Variants in ACAT1 observed in about 807,000 individuals in gnomAD.
ACAT1 encodes the protein acetyl-CoA acetyltransferase 1.
ACAT1 carries 28 observed loss-of-function variants against 47.3 expected under a neutral mutation model. That is an observed-to-expected ratio of 0.59 (90% confidence interval 0.44 to 0.81). The LOEUF (loss-of-function observed/expected upper bound fraction) is 0.81. Among genes scored for constraint, ACAT1 ranks in the 30% least tolerant of loss-of-function variants. The pLI, the probability that ACAT1 is intolerant of heterozygous loss-of-function variation, is 0.00. For missense variants in ACAT1, 469 were observed against 524.3 expected (o/e 0.89, Z 1.03); for synonymous variants, 181 against 173.6 (o/e 1.04, Z -0.34).
In ACAT1 at chr11:108,140,134, A is replaced by G. The variant is rs751034911; in HGVS notation, c.649A>G (p.Asn217Asp). The G allele has an allele frequency of 6.5e-5, 105 of 1,614,054 alleles. No homozygotes were observed. The highest frequency in any genetic ancestry group is 8.6e-5 in the Non-Finnish European group (102 of 1,180,024). The change falls in exon 7 of 12, where the codon AAT becomes GAT. Residue 217 changes from asparagine (N) to aspartate (D), a missense_variant. Physicochemically the swap from Asn to Asp is conservative, Grantham distance 23. Transcript: ENST00000265838. ...AAATGAACAGGACGCTTATGCTATT[A>G]ATTCTTATACCAGAAGTAAAGCAGC... The part of the protein sequence containing the change: ...ARNEQDAYAI[N>D]SYTRSKAAWE...
chr11:108,131,227 G>A (rs770586580), intron 1 of ACAT1, among the ~76,000 whole-genome samples: 1 of 152,096 alleles, frequency 6.6e-6, no homozygotes, highest in Non-Finnish European at 1.5e-5. Flanking sequence ...GGGAGAAACA[G>A]CAAGTTTTAC....
rs201199156 is a variant in ACAT1 at position 108,134,200 on chromosome 11, C to CT, written c.239-8dup. The CT allele has an allele frequency of 0.028, 36,398 of 1,293,440 alleles. 35 individuals are homozygous for CT. Among genetic ancestry groups the CT allele is most frequent in the African/African-American group, 0.057 (3,671 of 64,752 alleles). The allele number at this position is 1,293,440 out of a possible 1,614,324, so 80.1% of individuals were successfully genotyped here. ...TAAATTGAATTAAATGCCTTTTTGA[C>CT]TTTTTTTTTTTTTAATAAAGGGATT... On this transcript the variant is annotated intron_variant, in intron 3 of 11. Coordinates refer to ENST00000265838, the MANE Select transcript of ACAT1 (RefSeq NM_000019.4).
chr11:108,146,566 G>A (rs537245811), intron 11 of ACAT1, among the ~76,000 whole-genome samples: 1 of 152,228 alleles, frequency 6.6e-6, no homozygotes, highest in African/African-American at 2.4e-5. Flanking sequence ...GTTTTATGCT[G>A]AAGAAGAAAA....
intron 7 of ACAT1, 123 bp downstream of exon 7, chr11:108,140,338 A>G: frequency 4.4e-6 from 5 of 1,137,198 alleles, no homozygotes; most frequent in Non-Finnish European, 6.5e-6. Flanking sequence ...TAAAAAGTGA[A>G]GAGTTGCCAG....
intron 5 of ACAT1, among the ~76,000 whole-genome samples, chr11:108,138,244 C>T (rs1290797539): frequency 1.3e-5 from 2 of 151,990 alleles, no homozygotes; most frequent in African/African-American, 4.8e-5. Context: ...TTTGGCCTCC[C>T]AGAGTGCTGG....
At position 108,147,531 on chromosome 11, in the gene ACAT1, T is replaced by A; in HGVS notation, c.*141T>A. 8.9e-7 allele frequency: 1 copy of A among 1,121,044 alleles called. No homozygotes were observed. Among genetic ancestry groups the A allele is most frequent in the Non-Finnish European group, 1.3e-6 (1 of 787,564 alleles). 69.4% of individuals were successfully genotyped at this position (1,121,044 alleles called of 1,614,324 possible). The stretch of plus-strand genomic sequence containing the variant: ...CTATGTTAACTTTTAAAAATCAAAA[T>A]GATGAAATCCCAAAACATTTTGAAA... On this transcript the variant is annotated 3_prime_UTR_variant, in exon 12 of 12. Coordinates refer to ENST00000265838, the MANE Select transcript of ACAT1 (RefSeq NM_000019.4).
chr11:108,136,263 A>G (rs1034718193), intron 5 of ACAT1: 5 of 417,220 alleles, frequency 1.2e-5, no homozygotes, highest in Admixed American at 4.3e-5. Context: ...TTGGAAATAG[A>G]GTGGTGAACA....
intron 1 of ACAT1, among the ~76,000 whole-genome samples, chr11:108,123,798 G>A (rs915961384): frequency 6.6e-6 from 1 of 152,076 alleles, no homozygotes; most frequent in Non-Finnish European, 1.5e-5. Flanking sequence ...TTACAGGTGT[G>A]AGCCATTGTG....
chr11:108,121,632 G>A lies in ACAT1; in HGVS notation c.26G>A (p.Arg9His). 1 of 1,550,770 alleles carries A rather than the reference G, an allele frequency of 6.4e-7. No individual in the cohort carries two copies. The change falls in exon 1 of 12, where the codon CGC (arginine) becomes CAC (histidine). Residue 9 changes from arginine (R) to histidine (H), a missense_variant. Arg to His is a conservative substitution (Grantham distance 29, BLOSUM62 0). Coordinates refer to ENST00000265838, the MANE Select transcript of ACAT1 (RefSeq NM_000019.4). Reference sequence around the variant, plus strand: ...ATGGCTGTGCTGGCGGCACTTCTGCGCAGCGGCGCCCGCAGCCGCAGCCCC... The same window carrying A: ...ATGGCTGTGCTGGCGGCACTTCTGCACAGCGGCGCCCGCAGCCGCAGCCCC... MAVLAALL[R>H]SGARSRSPLL...
chr11:108,139,876 C>T (rs891973247), intron 6 of ACAT1, 189 bp from the exon 7 acceptor site: 1 of 582,356 alleles, frequency 1.7e-6, no homozygotes, highest in Admixed American at 3.0e-5. Flanking sequence ...TGGTCTTGAT[C>T]TCCTGACCTC....
rs868387763 is a variant in ACAT1, at chr11:108,145,415, C to T, written c.1006-787C>T. 3.3e-5 allele frequency among the ~76,000 whole-genome samples: 5 copies of T among 152,236 alleles called. No individual in the cohort carries two copies. The Middle Eastern group carries it at 0.01, about 311-fold the overall frequency. ...AGAAATGGCTGGGTGCAGTGGCGCTCGCCTGTAATCCCAGCGCTTTGGGAG... is the reference window on the plus strand; with the variant it reads ...AGAAATGGCTGGGTGCAGTGGCGCTTGCCTGTAATCCCAGCGCTTTGGGAG... On this transcript the variant is annotated intron_variant, in intron 10 of 11. Coordinates refer to ENST00000265838, the MANE Select transcript of ACAT1 (RefSeq NM_000019.4).
chr11:108,135,991 G>T, intron 5 of ACAT1: 1 of 513,330 alleles, frequency 1.9e-6, no homozygotes, highest in South Asian at 3.0e-5. Context: ...CAGGCTTGAT[G>T]ACTAATTTGT....
At chr11:108,135,336 A>AAAGAATCTCAT in intron 5 of ACAT1, 94 bp downstream of exon 5, 6 of 901,898 alleles carry the variant, frequency 6.7e-6, no homozygotes, top group Non-Finnish European at 1.1e-5. Context: ...TAGAAATGAG[A>AAAGAATCTCAT]TTCTTTCTCA....
intron 5 of ACAT1, among the ~76,000 whole-genome samples, chr11:108,138,279 C>T (rs535286441): frequency 4.6e-5 from 7 of 150,796 alleles, no homozygotes; most frequent in Non-Finnish European, 8.8e-5. Flanking sequence ...GCCACCGTGC[C>T]CAGCCAGATT....
intron 10 of ACAT1, among the ~76,000 whole-genome samples, chr11:108,145,042 C>A (rs12361905): frequency 0.54 from 82,103 of 151,930 alleles, 23,691 homozygotes; most frequent in East Asian, 0.89. Context: ...AAGAGTTCCA[C>A]GTTAATTTTA....
upstream of ACAT1, among the ~76,000 whole-genome samples, chr11:108,120,389 C>T (rs190560300): frequency 4.2e-3 from 633 of 151,958 alleles, 3 homozygotes; most frequent in Non-Finnish European, 6.6e-3. Context: ...GTCCTAGCTA[C>T]GTAGCTACTT....
chr11:108,138,522 G>A (rs527551797), intron 5 of ACAT1, among the ~76,000 whole-genome samples: 3 of 151,844 alleles, frequency 2.0e-5, no homozygotes, highest in South Asian at 2.1e-4. Context: ...TTGGCCTCCC[G>A]AGTAGCTGGG....
Position 108,135,083 on chromosome 11 carries a change from T to TA in ACAT1, c.335-57dup, listed in dbSNP as rs1242091727. On this transcript the variant is annotated intron_variant, in intron 4 of 11. Transcript: ENST00000265838. ...TGTAGTTTATAGTAACATGCTCTAT[T>TA]AAGTTCTGCAGTTGTGTTTGAGTAT... is the stretch of plus-strand genomic sequence containing the variant. 3.4e-5 allele frequency: 40 copies of TA among 1,169,908 alleles called. No individual in the cohort carries two copies. In the East Asian group the frequency reaches 3.5e-4, roughly 10 times the overall value. 72.5% of individuals were successfully genotyped at this position (1,169,908 alleles called of 1,614,324 possible).
chr11:108,136,763 A>G (rs2077476730), intron 5 of ACAT1: 1 of 152,214 alleles, frequency 6.6e-6, no homozygotes. Flanking sequence ...AAAAAGTACA[A>G]GTGAATAAAA....
Sources: gnomAD v4.1 joint callset for allele counts (sites outside exome capture counted in the v4.1 genomes callset) on GRCh38, gnomAD v4.1.1 for gene constraint, MANE v1.5 for transcripts, NCBI Gene and HGNC (gene_info 2026-07-23, HGNC 2026-07-21) for gene names.